Variants in RASGRP3 observed in about 807,000 individuals in gnomAD.
RASGRP3 encodes RAS guanyl releasing protein 3, also known as ras guanyl-releasing protein 3.
RASGRP3 carries 54 observed loss-of-function variants against 82.7 expected under a neutral mutation model. That is an observed-to-expected ratio of 0.65 (90% CI 0.52 to 0.82). The LOEUF (loss-of-function observed/expected upper bound fraction) is 0.82, where lower values mean the gene tolerates loss of function less well. Among genes scored for constraint, RASGRP3 ranks in the 40% least tolerant of loss-of-function variants. The probability of loss-of-function intolerance (pLI) is 0.00; values close to 1 mark genes in which losing one functional copy is unlikely to be tolerated. For missense variants in RASGRP3, 861 were observed against 828.9 expected, an observed-to-expected ratio of 1.04 and a Z score of -0.48; for synonymous variants, 309 against 300.5, an observed-to-expected ratio of 1.03 and a Z score of -0.29.
intron 2 of RASGRP3, among the ~76,000 whole-genome samples, chr2:33,456,003 G>T (rs775829846): frequency 1.4e-4 from 21 of 152,144 alleles, no homozygotes; most frequent in Non-Finnish European, 2.9e-4. Flanking sequence ...TGAAATTATG[G>T]CATGGAAACA....
chr2:33,443,750 A>G (rs985615058), intron 1 of RASGRP3, among the ~76,000 whole-genome samples: 2 of 148,974 alleles, frequency 1.3e-5, no homozygotes, highest in African/African-American at 2.5e-5. Flanking sequence ...GCATGGTGGT[A>G]CGTGCTTATA....
intron 1 of RASGRP3, among the ~76,000 whole-genome samples, chr2:33,490,674 T>C (rs1183492562): frequency 6.6e-6 from 1 of 152,244 alleles, no homozygotes; most frequent in Non-Finnish European, 1.5e-5. Context: ...CCTCTTGTCC[T>C]TCCTCTTTAT....
chr2:33,449,156 TTCA>T (rs1187043005), intron 2 of RASGRP3, among the ~76,000 whole-genome samples: 12 of 152,230 alleles, frequency 7.9e-5, no homozygotes, highest in African/African-American at 2.9e-4. Context: ...AAACAATGTC[TTCA>T]TCATTTCTAC....
At chr2:33,443,709 TAAAA>T (rs1161262477) in intron 1 of RASGRP3, among the ~76,000 whole-genome samples, 2 of 98,226 alleles carry the variant, frequency 2.0e-5, no homozygotes, top group Non-Finnish European at 4.0e-5. Flanking sequence ...ATCCTGTCTC[TAAAA>T]AAAAAAAAAA....
chr2:33,519,139 A>G (rs1671753116), intron 4 of RASGRP3, among the ~76,000 whole-genome samples: 1 of 152,204 alleles, frequency 6.6e-6, no homozygotes, highest in African/African-American at 2.4e-5. Context: ...CAAACACATG[A>G]GTAATGCATT....
upstream of RASGRP3, chr2:33,476,253 G>A (rs1667356980): frequency 6.6e-6 from 1 of 152,182 alleles, no homozygotes; most frequent in Non-Finnish European, 1.5e-5. Flanking sequence ...CCTGCTGTGC[G>A]AGTTGGTGAT....
intron 10 of RASGRP3, among the ~76,000 whole-genome samples, chr2:33,530,628 A>G (rs1478636835): frequency 6.6e-6 from 1 of 151,510 alleles, no homozygotes; most frequent in African/African-American, 2.4e-5. Flanking sequence ...ATGTGGGCAC[A>G]CTGCTGACAT....
At position 33,460,726 on chromosome 2, in the gene RASGRP3, G is replaced by A. The variant is rs72802094; in HGVS notation, c.-261+12783G>A. ...GACAGAGTTTCACCTTGTTGCCTAG[G>A]CTGGTCTTGAACCCCTGAGCTCAGG... On this transcript the variant is annotated intron_variant, in intron 2 of 18. Coordinates refer to the RASGRP3 transcript ENST00000402538. Among the ~76,000 whole-genome samples the A allele has an allele frequency of 3.8e-3, 575 of 152,134 alleles. 1 individual carries two copies. Among genetic ancestry groups the A allele is most frequent in the Non-Finnish European group, 6.8e-3 (463 of 68,000 alleles).
At chr2:33,532,102 C>T (rs1359292087) in intron 10 of RASGRP3, 2 of 152,200 alleles carry the variant, frequency 1.3e-5, no homozygotes, top group Non-Finnish European at 1.5e-5. Flanking sequence ...TAGAGCCTGG[C>T]ACAGTTGTCT....
rs1455973147 is a variant in RASGRP3, at chr2:33,502,857, C to T, written c.-260-8853C>T. On this transcript the variant is annotated intron_variant, in intron 1 of 17. Transcript: ENST00000403687. ...CCTTTACTTTATGAAAAGCTAGCTT[C>T]TTCTCCCTCTTTCTTTCTCATTCTC... 3.3e-5 allele frequency among the ~76,000 whole-genome samples: 5 copies of T among 152,244 alleles called. No homozygotes were observed. The South Asian group carries it at 6.2e-4, about 19-fold the overall frequency.
At chr2:33,443,915 T>C (rs1443391757) in intron 1 of RASGRP3, among the ~76,000 whole-genome samples, 1 of 152,012 alleles carries the variant, frequency 6.6e-6, no homozygotes, top group African/African-American at 2.4e-5. Context: ...AAATAAAATG[T>C]GAGCCACTAA....
At chr2:33,439,975 C>G (rs1021376563) in intron 1 of RASGRP3, among the ~76,000 whole-genome samples, 2 of 152,154 alleles carry the variant, frequency 1.3e-5, no homozygotes, top group Non-Finnish European at 2.9e-5. Context: ...TGAGAACAAA[C>G]TGACGCGTTT....
intron 1 of RASGRP3, among the ~76,000 whole-genome samples, chr2:33,494,314 C>A (rs1381550095): frequency 6.6e-5 from 10 of 152,116 alleles, no homozygotes; most frequent in Admixed American, 5.2e-4. Context: ...GCTTAGAGAC[C>A]AAGGCTCGCA....
chr2:33,491,657 C>T (rs1395207126), intron 1 of RASGRP3, among the ~76,000 whole-genome samples: 2 of 152,218 alleles, frequency 1.3e-5, no homozygotes, highest in Non-Finnish European at 2.9e-5. Context: ...CATCTGAACT[C>T]TTGTGGTTTG....
chr2:33,558,432 C>A, intron 16 of RASGRP3, 96 bp downstream of exon 16: 1 of 1,572,994 alleles, frequency 6.4e-7, no homozygotes, highest in South Asian at 1.2e-5. Context: ...CCCGGTCAGT[C>A]ACTCTAAACG....
intron 1 of RASGRP3, among the ~76,000 whole-genome samples, chr2:33,499,668 C>T (rs538003063): frequency 2.0e-5 from 3 of 151,938 alleles, no homozygotes; most frequent in African/African-American, 4.8e-5. Flanking sequence ...AATGATTTGA[C>T]CCAAATCACT....
chr2:33,437,273 T>C (rs1664978605), intron 1 of RASGRP3, among the ~76,000 whole-genome samples: 1 of 152,182 alleles, frequency 6.6e-6, no homozygotes, highest in Non-Finnish European at 1.5e-5. Context: ...GGTTTGGAAA[T>C]GGTAAGGTTG....
Position 33,515,203 on chromosome 2 carries a change from T to A in RASGRP3, c.67T>A (p.Phe23Ile), listed in dbSNP as rs1188745468. The stretch of plus-strand genomic sequence containing the variant: ...ACTGCTGTGCACTTGCATTGAGATG[T>A]TTGGTACGAGCCTTTTCTCCTTTCA... ...DELLCTCIEM[F>I]DDNGELDNSY... Residue 23 changes from phenylalanine (F) to isoleucine (I), a missense_variant, in exon 3 of 18, where the codon TTT becomes ATT. Physicochemically the swap from Phe to Ile is conservative, Grantham distance 21 (BLOSUM62 0). Transcript: ENST00000403687. The A allele has an allele frequency of 1.2e-6, 2 of 1,613,806 alleles. No individual in the cohort carries two copies. The highest frequency in any genetic ancestry group is 1.3e-5 in the African/African-American group (1 of 74,924).
At chr2:33,461,694 C>T (rs1216904439) in intron 2 of RASGRP3, among the ~76,000 whole-genome samples, 1 of 152,202 alleles carries the variant, frequency 6.6e-6, no homozygotes, top group East Asian at 1.9e-4. Context: ...CAGATTCTTA[C>T]TCTGCTATGG....
Sources: allele counts gnomAD v4.1 joint callset (sites outside exome capture counted in the v4.1 genomes callset), GRCh38; gene constraint gnomAD v4.1.1; transcripts MANE v1.5; gene names NCBI Gene and HGNC (gene_info 2026-07-23, HGNC 2026-07-21).